The following MLIP variants were observed in gnomAD, a reference collection of about 807,000 sequenced individuals.
MLIP encodes the protein muscular LMNA interacting protein.
Under a neutral mutation model 84.8 loss-of-function variants are expected in MLIP, and 79 were observed. The observed-to-expected ratio is 0.93, with a 90% CI of 0.78 to 1.12. MLIP has a LOEUF of 1.12. Ranked by LOEUF, MLIP falls within the 50% of genes most tolerant of loss-of-function variation. MLIP has a pLI of 0.00. For synonymous variants in MLIP, 504 were observed against 463.0 expected (o/e 1.09, Z -1.14); for missense variants, 1,257 against 1,160.6 (o/e 1.08, Z -1.21).
chr6:54,117,398 T>A (rs1770027880), intron 1 of MLIP, among the ~76,000 whole-genome samples: 1 of 151,368 alleles, frequency 6.6e-6, no homozygotes, highest in East Asian at 2.0e-4. Flanking sequence ...GTATTTTTAG[T>A]AGAGAAGGGG....
intron 1 of MLIP, among the ~76,000 whole-genome samples, chr6:54,023,656 G>A (rs1050116714): frequency 4.6e-5 from 7 of 151,786 alleles, no homozygotes; most frequent in African/African-American, 7.3e-5. Context: ...TGCAACCTCC[G>A]CCTCCCGAGT....
At chr6:54,050,873 A>G (rs1008073053) in intron 1 of MLIP, among the ~76,000 whole-genome samples, 3 of 152,142 alleles carry the variant, frequency 2.0e-5, no homozygotes, top group African/African-American at 7.2e-5. Flanking sequence ...AACTATTTTT[A>G]TACGCTTATC....
intron 1 of MLIP, among the ~76,000 whole-genome samples, chr6:54,055,515 AT>A (rs1240095205): frequency 6.6e-6 from 1 of 152,160 alleles, no homozygotes; most frequent in Non-Finnish European, 1.5e-5. Flanking sequence ...AAAAAACTAC[AT>A]TGAAGTGTGT....
chr6:54,085,578 A>G (rs1242824475), intron 1 of MLIP, among the ~76,000 whole-genome samples: 2 of 152,198 alleles, frequency 1.3e-5, no homozygotes, highest in Admixed American at 6.5e-5. Flanking sequence ...ATTTGTAGCT[A>G]GGCTACAAGT....
intron 9 of MLIP, among the ~76,000 whole-genome samples, chr6:54,188,890 T>G (rs748178390): frequency 1.9e-4 from 29 of 152,200 alleles, no homozygotes; most frequent in Non-Finnish European, 1.9e-4. Context: ...AGACAGAAGA[T>G]CCTCCAAGTT....
intron 1 of MLIP, among the ~76,000 whole-genome samples, chr6:54,066,048 A>G (rs932086816): frequency 3.0e-5 from 3 of 99,596 alleles, no homozygotes; most frequent in African/African-American, 7.7e-5. Flanking sequence ...TCTTAGGTGT[A>G]GAATCACAAT....
chr6:54,094,777 A>G (rs1280844925), intron 1 of MLIP, among the ~76,000 whole-genome samples: 5 of 152,098 alleles, frequency 3.3e-5, no homozygotes, highest in African/African-American at 1.2e-4. Context: ...AGACTCACTC[A>G]GAAACTTAGC....
At chr6:54,231,643 C>T (rs1280930024) in intron 12 of MLIP, among the ~76,000 whole-genome samples, 1 of 152,164 alleles carries the variant, frequency 6.6e-6, no homozygotes, top group Admixed American at 6.5e-5. Context: ...CTGGCTAGTA[C>T]AGATGCTCAG....
At chr6:54,104,821 G>C (rs995109452) in intron 1 of MLIP, among the ~76,000 whole-genome samples, 1 of 152,084 alleles carries the variant, frequency 6.6e-6, no homozygotes, top group Non-Finnish European at 1.5e-5. Flanking sequence ...CACTGTGAGT[G>C]GGATGACAGT....
intron 12 of MLIP, among the ~76,000 whole-genome samples, chr6:54,248,078 A>G (rs1782210154): frequency 6.6e-6 from 1 of 152,114 alleles, no homozygotes; most frequent in Admixed American, 6.6e-5. Context: ...ACATTTATGG[A>G]ACTCGGGAAT....
At chr6:54,083,422 G>T in intron 1 of MLIP, 1 of 1,477,274 alleles carries the variant, frequency 6.8e-7, no homozygotes, top group Non-Finnish European at 9.0e-7. Context: ...GGAGGAAGGA[G>T]GGCATAATTT....
chr6:54,160,685 C>A, intron 7 of MLIP, 55 bp from the exon 8 acceptor site: 2 of 1,501,596 alleles, frequency 1.3e-6, no homozygotes, highest in Non-Finnish European at 1.9e-6. Context: ...GCCTCACAGG[C>A]TTGTCCTTTT....
chr6:54,165,391 T>C (rs1044591861), intron 8 of MLIP, among the ~76,000 whole-genome samples: 22 of 152,022 alleles, frequency 1.4e-4, no homozygotes, highest in African/African-American at 5.3e-4. Flanking sequence ...TAGCCAGTTG[T>C]TGAAACCTAT....
intron 1 of MLIP, among the ~76,000 whole-genome samples, chr6:54,049,000 A>G (rs1464774330): frequency 6.6e-6 from 1 of 152,202 alleles, no homozygotes; most frequent in Non-Finnish European, 1.5e-5. Flanking sequence ...GTCCTGGGTC[A>G]TCTGGCTACT....
intron 12 of MLIP, among the ~76,000 whole-genome samples, chr6:54,237,820 C>T (rs550034244): frequency 3.9e-5 from 6 of 151,992 alleles, no homozygotes; most frequent in Admixed American, 1.3e-4. Context: ...ACTGCATTCT[C>T]GGCTGTGCAA....
chr6:54,096,836 G>A (rs1768249123), intron 1 of MLIP, among the ~76,000 whole-genome samples: 1 of 152,198 alleles, frequency 6.6e-6, no homozygotes, highest in South Asian at 2.1e-4. Context: ...ACTATTCTAT[G>A]TGGGTCATTG....
upstream of MLIP, among the ~76,000 whole-genome samples, chr6:54,108,076 C>T (rs750186122): frequency 6.6e-6 from 1 of 151,980 alleles, no homozygotes; most frequent in Non-Finnish European, 1.5e-5. Context: ...GCAGTAATAT[C>T]CGTTTAGTAA....
rs374256949 is a variant in MLIP at position 54,122,180 on chromosome 6, G to A, written c.252+578G>A. ...ACAAAAGAAGAAAAATGTTATGTAG[G>A]TAAATAATTAGGGAAAAATAAAAAA... On this transcript the variant is annotated intron_variant, in intron 2 of 13. Coordinates refer to ENST00000502396, the MANE Select transcript of MLIP (RefSeq NM_001281747.2). Among the ~76,000 whole-genome samples, 20 of 152,010 alleles carry A rather than the reference G, an allele frequency of 1.3e-4. No individual in the cohort carries two copies. The East Asian group carries it at 3.5e-3, about 26-fold the overall frequency.
chr6:54,255,465 A>G (rs1562114542), intron 12 of MLIP, among the ~76,000 whole-genome samples: 1 of 152,208 alleles, frequency 6.6e-6, no homozygotes, highest in Non-Finnish European at 1.5e-5. Flanking sequence ...ACACATTAAT[A>G]TCACATTTTT....
Sources: allele counts gnomAD v4.1 joint callset (sites outside exome capture counted in the v4.1 genomes callset), GRCh38; gene constraint gnomAD v4.1.1; transcripts MANE v1.5; gene names NCBI Gene and HGNC (gene_info 2026-07-23, HGNC 2026-07-21).